COLGALT1: variants seen among roughly 807,000 people sequenced by gnomAD.
COLGALT1 encodes the protein collagen beta(1-O)galactosyltransferase 1.
Under a neutral mutation model 60.8 loss-of-function variants are expected in COLGALT1, and 43 were observed. That is an observed-to-expected ratio of 0.71 (90% CI 0.55 to 0.91). The LOEUF (loss-of-function observed/expected upper bound fraction) is 0.91, where lower values mean the gene tolerates loss of function less well. COLGALT1 is among the 40% of genes least tolerant of loss of function. The probability of loss-of-function intolerance (pLI) is 0.00; values close to 1 mark genes in which losing one functional copy is unlikely to be tolerated. For synonymous variants in COLGALT1, 369 were observed against 374.2 expected (o/e 0.99, Z 0.16); for missense variants, 845 against 880.0 (o/e 0.96, Z 0.50).
intron 3 of COLGALT1, among the ~76,000 whole-genome samples, chr19:17,564,092 A>T (rs1320026911): frequency 6.6e-6 from 1 of 151,716 alleles, no homozygotes; most frequent in East Asian, 1.9e-4. Flanking sequence ...CTAACAAAAA[A>T]AAAAAATTAG....
chr19:17,564,312 TAC>T (rs2076267471), intron 3 of COLGALT1, among the ~76,000 whole-genome samples: 1 of 151,462 alleles, frequency 6.6e-6, no homozygotes, highest in South Asian at 2.1e-4. Flanking sequence ...TATACATATA[TAC>T]GTGTATATGT....
intron 8 of COLGALT1, among the ~76,000 whole-genome samples, 181 bp downstream of exon 8, chr19:17,577,648 C>T (rs990942310): frequency 6.6e-6 from 1 of 152,114 alleles, no homozygotes; most frequent in African/African-American, 2.4e-5. Flanking sequence ...CAGATCCTCA[C>T]AGTTGTAGAC....
intron 1 of COLGALT1, chr19:17,556,533 T>TG (rs2076212956): frequency 1.0e-6 from 1 of 985,438 alleles, no homozygotes; most frequent in Middle Eastern, 5.2e-4. Context: ...CAGGAGGAAG[T>TG]GGATGCTTTC....
intron 3 of COLGALT1, among the ~76,000 whole-genome samples, chr19:17,565,490 A>G (rs894604154): frequency 2.6e-5 from 4 of 151,990 alleles, no homozygotes; most frequent in Admixed American, 1.3e-4. Context: ...TCTGACATGA[A>G]CATGAGCGTA....
Position 17,581,631 on chromosome 19 carries a change from G to A in COLGALT1, c.*187G>A. 1.3e-6 allele frequency: 1 copy of A among 742,150 alleles called. No homozygotes were observed. The highest frequency in any genetic ancestry group is 2.1e-6 in the Non-Finnish European group (1 of 467,548). The allele number at this position is 742,150 out of a possible 1,614,324, so 46.0% of individuals were successfully genotyped here. A position where few individuals can be genotyped will look rare whatever the true frequency, so the allele number is the denominator to read the frequency against. ...AGCATTAATGGAGTGCCTACTGCATGCCAGCAACAGGGCTTGGCCCTGGGG... is the reference window on the plus strand; with the variant it reads ...AGCATTAATGGAGTGCCTACTGCATACCAGCAACAGGGCTTGGCCCTGGGG... On this transcript the variant is annotated 3_prime_UTR_variant, in exon 12 of 12. Coordinates refer to ENST00000252599, the MANE Select transcript of COLGALT1 (RefSeq NM_024656.4).
intron 3 of COLGALT1, among the ~76,000 whole-genome samples, chr19:17,564,947 C>T (rs2889139): frequency 1 from 152,228 of 152,260 alleles, 76,098 homozygotes; most frequent in Non-Finnish European, 1. Context: ...TTCCTGTCTA[C>T]GGATTTGTCA....
intron 1 of COLGALT1, among the ~76,000 whole-genome samples, chr19:17,558,668 ACT>A (rs1439541796): frequency 3.3e-5 from 5 of 151,450 alleles, no homozygotes; most frequent in African/African-American, 9.7e-5. Flanking sequence ...ACAGAGCAAG[ACT>A]CTGTCTCAAA....
chr19:17,575,132 A>G (rs9749200), intron 6 of COLGALT1, among the ~76,000 whole-genome samples: 1 of 151,984 alleles, frequency 6.6e-6, no homozygotes, highest in East Asian at 1.9e-4. Context: ...GCTCACTGCA[A>G]CCTCCGCCTC....
At chr19:17,568,741 A>G in intron 5 of COLGALT1, 28 bp downstream of exon 5, 1 of 1,610,178 alleles carries the variant, frequency 6.2e-7, no homozygotes, top group Non-Finnish European at 8.5e-7. Context: ...CTGCCATCGC[A>G]GGGGCATCTG....
intron 11 of COLGALT1, 93 bp downstream of exon 11, chr19:17,580,998 T>A: frequency 6.7e-7 from 1 of 1,484,932 alleles, no homozygotes; most frequent in South Asian, 1.1e-5. Context: ...CGAGAAGATG[T>A]CTCTTCTTTT....
intron 6 of COLGALT1, among the ~76,000 whole-genome samples, chr19:17,575,799 A>T (rs2076337356): frequency 6.6e-6 from 1 of 152,048 alleles, no homozygotes; most frequent in Non-Finnish European, 1.5e-5. Flanking sequence ...CCTCCCAAGG[A>T]GCTACAGATT....
chr19:17,581,550 T>A lies in COLGALT1; in HGVS notation c.*106T>A. 1 of 1,415,690 alleles carries A rather than the reference T, an allele frequency of 7.1e-7. No homozygotes were observed. Among genetic ancestry groups the A allele is most frequent in the Non-Finnish European group, 9.4e-7 (1 of 1,067,142 alleles). The allele number at this position is 1,415,690 out of a possible 1,614,324, so 87.7% of individuals were successfully genotyped here. A position where few individuals can be genotyped will look rare whatever the true frequency, so the allele number is the denominator to read the frequency against. On this transcript the variant is annotated 3_prime_UTR_variant, in exon 12 of 12. Coordinates refer to ENST00000252599, the MANE Select transcript of COLGALT1 (RefSeq NM_024656.4). ...GACCCCTTGGCAGGCCACAGAGGGC[T>A]CTCGTGTGGGGTGGTGTCCAGCCAG... is the stretch of plus-strand genomic sequence containing the variant.
Position 17,579,552 on chromosome 19 carries a change from G to A in COLGALT1, c.1337G>A (p.Arg446Lys), listed in dbSNP as rs923408975. The change falls in exon 10 of 12, where the codon AGA (arginine) becomes AAA (lysine). Residue 446 changes from arginine to lysine, a missense_variant. By Grantham distance (26) the Arg-to-Lys change is conservative. Transcript: ENST00000252599. The part of the protein sequence containing the change: ...DDLRFEIFFK[R>K]RLMNLMRDVE... The stretch of plus-strand genomic sequence containing the variant: ...CTGCGTTTTGAGATCTTCTTCAAGA[G>A]ACGTCTGATGAACCTCATGCGGGAT... 6 of 1,613,976 alleles carry A rather than the reference G, an allele frequency of 3.7e-6. No individual in the cohort carries two copies. Among genetic ancestry groups the A allele is most frequent in the Admixed American group, 1.7e-5 (1 of 59,952 alleles).
intron 2 of COLGALT1, among the ~76,000 whole-genome samples, chr19:17,559,671 C>T (rs1231067631): frequency 6.6e-6 from 1 of 152,206 alleles, no homozygotes; most frequent in Non-Finnish European, 1.5e-5. Context: ...GGGACGCCCA[C>T]TGCTTTGTTC....
chr19:17,564,088 A>C (rs1248883459), intron 3 of COLGALT1, among the ~76,000 whole-genome samples: 2 of 148,374 alleles, frequency 1.3e-5, no homozygotes, highest in Non-Finnish European at 3.0e-5. Context: ...AAAACTAACA[A>C]AAAAAAAAAA....
rs368682636 is a variant in COLGALT1 at position 17,561,144 on chromosome 19, G to T, written c.489+679G>T. On this transcript the variant is annotated intron_variant, in intron 3 of 11. Transcript: ENST00000252599. ...TTCTTGAACCTAGGAGGCAGAGGTT[G>T]CAGTGAGCCGAGATCGTGCCACTGC... 2.6e-5 allele frequency among the ~76,000 whole-genome samples: 4 copies of T among 151,748 alleles called. No individual in the cohort carries two copies. In the East Asian group the frequency reaches 8.0e-4, roughly 31 times the overall value.
chr19:17,577,392 A>G lies in COLGALT1; in HGVS notation c.1058A>G (p.Asp353Gly). The G allele has an allele frequency of 1.3e-6, 2 of 1,580,506 alleles. No individual in the cohort carries two copies. Among genetic ancestry groups the G allele is most frequent in the Non-Finnish European group, 1.7e-6 (2 of 1,166,706 alleles). ...ATGATCAACCTGAGGCGGCGGCAGG[A>G]CCGGCGGGAGCGCATGCTGCGGGCG... is the stretch of plus-strand genomic sequence containing the variant. ...VFMINLRRRQ[D>G]RRERMLRALQ... Residue 353 changes from aspartate (D) to glycine (G), a missense_variant, in exon 8 of 12, where the codon GAC becomes GGC. Coordinates refer to ENST00000252599, the MANE Select transcript of COLGALT1 (RefSeq NM_024656.4).
Position 17,555,653 on chromosome 19 carries a change from C to A in COLGALT1, c.-61C>A. The A allele has an allele frequency of 8.6e-7, 1 of 1,163,646 alleles. No individual in the cohort carries two copies. The highest frequency in any genetic ancestry group is 1.1e-6 in the Non-Finnish European group (1 of 944,810). The allele number at this position is 1,163,646 out of a possible 1,614,324, so 72.1% of individuals were successfully genotyped here. A position where few individuals can be genotyped will look rare whatever the true frequency, so the allele number is the denominator to read the frequency against. ...GCGGCCGGGCGGGGCCCCTATGACC[C>A]CTTTAAGGCGCGGCCAGAGTCCTCC... On this transcript the variant is annotated 5_prime_UTR_variant, in exon 1 of 12. Coordinates refer to ENST00000252599, the MANE Select transcript of COLGALT1 (RefSeq NM_024656.4).
intron 10 of COLGALT1, 121 bp downstream of exon 10, chr19:17,579,730 C>A: frequency 7.7e-7 from 1 of 1,299,552 alleles, no homozygotes; most frequent in Non-Finnish European, 1.0e-6. Flanking sequence ...AGAGGCGGGG[C>A]TTGAAGGTGG....
Sources: gnomAD v4.1 joint callset for allele counts (sites outside exome capture counted in the v4.1 genomes callset) on GRCh38, gnomAD v4.1.1 for gene constraint, MANE v1.5 for transcripts, NCBI Gene and HGNC (gene_info 2026-07-23, HGNC 2026-07-21) for gene names.